DAB1: variants seen among roughly 807,000 people sequenced by gnomAD.
The protein encoded by DAB1 is disabled homolog 1.
A neutral mutation model predicts 64.6 loss-of-function variants in DAB1; 15 were observed. The ratio of observed to expected loss-of-function variants is 0.23; its 90% confidence interval spans 0.16 to 0.36. The LOEUF is 0.36. Ranked by LOEUF, DAB1 falls within the 10% of genes least tolerant of loss-of-function variation. DAB1 has a pLI of 1.00. For missense variants in DAB1, 596 were observed against 706.7 expected (o/e 0.84, Z 1.78); for synonymous variants, 235 against 251.9 (o/e 0.93, Z 0.64).
chr1:57,649,692 A>T (rs1489308744), intron 6 of DAB1: 2 of 152,254 alleles, frequency 1.3e-5, no homozygotes, highest in African/African-American at 4.8e-5. Flanking sequence ...CATGATATTT[A>T]AAAAAGTAAA....
At chr1:57,612,989 C>A (rs181743257) in intron 7 of DAB1, among the ~76,000 whole-genome samples, 5 of 152,300 alleles carry the variant, frequency 3.3e-5, no homozygotes, top group African/African-American at 1.2e-4. Context: ...TTGCTGTCCA[C>A]ACACCTATTC....
At chr1:57,690,427 A>G (rs1383255535) in intron 6 of DAB1, among the ~76,000 whole-genome samples, 1 of 152,076 alleles carries the variant, frequency 6.6e-6, no homozygotes, top group Non-Finnish European at 1.5e-5. Context: ...TGGTTGTTTA[A>G]AAGTGTATAG....
intron 5 of DAB1, among the ~76,000 whole-genome samples, chr1:57,950,916 T>C (rs114371765): frequency 3.3e-5 from 5 of 152,290 alleles, no homozygotes; most frequent in Non-Finnish European, 7.4e-5. Flanking sequence ...ACTTACAGTC[T>C]TCAATATCTA....
chr1:58,415,813 G>C (rs1328007528), intron 3 of DAB1, among the ~76,000 whole-genome samples: 3 of 152,160 alleles, frequency 2.0e-5, no homozygotes, highest in Non-Finnish European at 4.4e-5. Flanking sequence ...TGCCTCAGCA[G>C]CCAGACTGTC....
chr1:57,559,565 A>T (rs1230600245), intron 7 of DAB1, among the ~76,000 whole-genome samples: 1 of 152,194 alleles, frequency 6.6e-6, no homozygotes, highest in East Asian at 1.9e-4. Context: ...GACCCAAAAC[A>T]TCATTGTGAC....
At chr1:58,106,128 TTCTTTC>T (rs1314511542) in intron 5 of DAB1, among the ~76,000 whole-genome samples, 1 of 151,786 alleles carries the variant, frequency 6.6e-6, no homozygotes, top group African/African-American at 2.4e-5. Context: ...CTTCCTTCTT[TTCTTTC>T]TCTTTCTTTC....
intron 1 of DAB1, among the ~76,000 whole-genome samples, chr1:57,868,760 A>C (rs189276659): frequency 6.6e-6 from 1 of 152,232 alleles, no homozygotes; most frequent in Admixed American, 6.5e-5. Context: ...TGCCCTTTGA[A>C]TGAATGTAGC....
intron 2 of DAB1, among the ~76,000 whole-genome samples, chr1:57,287,491 A>G (rs934959914): frequency 2.6e-5 from 4 of 152,236 alleles, no homozygotes; most frequent in African/African-American, 9.6e-5. Context: ...CCAGCCAATT[A>G]GAGAGAAAAA....
chr1:57,220,045 G>C lies in DAB1; in HGVS notation c.67+70919C>G, dbSNP rs529112409. On this transcript the variant is annotated intron_variant, in intron 2 of 14. Transcript: ENST00000371236. The stretch of plus-strand genomic sequence containing the variant: ...TTGAGGGAAGATCTCACAAGGCCTA[G>C]AATGGTTGTCTGCACATAAATGTAA... Among the ~76,000 whole-genome samples, 100 of 152,326 alleles carry C rather than the reference G, an allele frequency of 6.6e-4. 1 individual carries two copies. The highest frequency in any genetic ancestry group is 5.9e-3 in the Admixed American group (91 of 15,306).
At chr1:57,721,015 C>T (rs1647144125) in intron 6 of DAB1, among the ~76,000 whole-genome samples, 1 of 152,196 alleles carries the variant, frequency 6.6e-6, no homozygotes, top group African/African-American at 2.4e-5. Context: ...TGCAGTCCTT[C>T]ATTAGCTTGT....
chr1:57,557,428 A>C (rs1459168621), intron 7 of DAB1, among the ~76,000 whole-genome samples: 2 of 151,872 alleles, frequency 1.3e-5, no homozygotes, highest in Non-Finnish European at 2.9e-5. Flanking sequence ...ATACACACAC[A>C]CATATATATA....
intron 4 of DAB1, among the ~76,000 whole-genome samples, chr1:58,328,347 A>G (rs1662888300): frequency 6.6e-6 from 1 of 152,186 alleles, no homozygotes. Context: ...CCGTTTTCAT[A>G]GTTCAGGTCC....
chr1:57,088,581 G>T (rs987030903), intron 4 of DAB1, among the ~76,000 whole-genome samples: 3 of 152,184 alleles, frequency 2.0e-5, no homozygotes, highest in African/African-American at 7.2e-5. Context: ...GGTTTCACAT[G>T]GATCAACCTG....
At chr1:57,521,897 G>A (rs1384131610) in intron 7 of DAB1, among the ~76,000 whole-genome samples, 1 of 152,078 alleles carries the variant, frequency 6.6e-6, no homozygotes, top group South Asian at 2.1e-4. Context: ...ATCACTTAAG[G>A]CCAGGAGTTC....
At chr1:57,315,835 C>A (rs950669956) in intron 1 of DAB1, among the ~76,000 whole-genome samples, 11 of 152,150 alleles carry the variant, frequency 7.2e-5, no homozygotes, top group African/African-American at 2.7e-4. Context: ...ACACCTTAAA[C>A]CTTCTGGGCC....
At chr1:58,073,941 T>A (rs976292533) in intron 5 of DAB1, among the ~76,000 whole-genome samples, 3 of 152,130 alleles carry the variant, frequency 2.0e-5, no homozygotes, top group Non-Finnish European at 1.5e-5. Flanking sequence ...CTATCTTAAG[T>A]CCTCAAAGAG....
At chr1:57,630,911 C>T (rs1006954274) in intron 7 of DAB1, among the ~76,000 whole-genome samples, 4 of 152,094 alleles carry the variant, frequency 2.6e-5, no homozygotes, top group Non-Finnish European at 5.9e-5. Context: ...ATGTCCAGAC[C>T]TTCATGAATT....
At chr1:57,942,242 T>G (rs1557568608) in intron 5 of DAB1, among the ~76,000 whole-genome samples, 1 of 152,180 alleles carries the variant, frequency 6.6e-6, no homozygotes, top group Non-Finnish European at 1.5e-5. Context: ...GTCAGTCAGT[T>G]GGTCAGTCAA....
intron 5 of DAB1, among the ~76,000 whole-genome samples, chr1:57,904,354 G>A (rs78085220): frequency 6.6e-6 from 1 of 152,016 alleles, no homozygotes; most frequent in South Asian, 2.1e-4. Flanking sequence ...TTGCTCGAGG[G>A]TCTTTCATTC....
Sources: allele counts gnomAD v4.1 joint callset (sites outside exome capture counted in the v4.1 genomes callset), GRCh38; gene constraint gnomAD v4.1.1; transcripts MANE v1.5; gene names NCBI Gene and HGNC (gene_info 2026-07-23, HGNC 2026-07-21).